Variants in CACNA1A observed in about 807,000 individuals in gnomAD.
The protein encoded by CACNA1A is voltage-dependent P/Q-type calcium channel subunit alpha-1A.
Under a neutral mutation model 262.4 loss-of-function variants are expected in CACNA1A, and 57 were observed. The ratio of observed to expected loss-of-function variants is 0.22; its 90% confidence interval spans 0.18 to 0.27. The LOEUF (loss-of-function observed/expected upper bound fraction) is 0.27. Among genes scored for constraint, CACNA1A ranks in the 10% least tolerant of loss-of-function variants. CACNA1A has a pLI of 1.00. For missense variants in CACNA1A, 2,526 were observed against 3,562.8 expected (o/e 0.71, Z 7.41); for synonymous variants, 1,431 against 1,419.3 (o/e 1.01, Z -0.18).
intron 1 of CACNA1A, among the ~76,000 whole-genome samples, chr19:13,479,791 C>A (rs530468504): frequency 3.3e-5 from 5 of 152,240 alleles, no homozygotes; most frequent in Admixed American, 2.6e-4. Context: ...GAAAGGCTGG[C>A]CTTTAAGAAA....
chr19:13,226,893 C>G (rs1677504871), intron 37 of CACNA1A: 1 of 152,578 alleles, frequency 6.6e-6, no homozygotes, highest in Non-Finnish European at 1.5e-5. Flanking sequence ...AAGAGAGGTT[C>G]TTGGTGCTCC....
intron 38 of CACNA1A, among the ~76,000 whole-genome samples, chr19:13,217,437 G>A (rs1345969428): frequency 6.6e-6 from 1 of 152,182 alleles, no homozygotes; most frequent in African/African-American, 2.4e-5. Context: ...AGCGCGTTAT[G>A]TTCTCCTGAG....
chr19:13,345,375 A>G (rs2058745915), intron 6 of CACNA1A, among the ~76,000 whole-genome samples: 1 of 152,044 alleles, frequency 6.6e-6, no homozygotes, highest in African/African-American at 2.4e-5. Context: ...CCTTCTCCGT[A>G]CTTGCATAGT....
At chr19:13,457,936 A>C (rs1032159664) in intron 1 of CACNA1A, among the ~76,000 whole-genome samples, 2 of 152,182 alleles carry the variant, frequency 1.3e-5, no homozygotes, top group South Asian at 2.1e-4. Flanking sequence ...CAAGCGAAAG[A>C]AGCAGACATA....
intron 3 of CACNA1A, among the ~76,000 whole-genome samples, chr19:13,387,231 C>T (rs1160444269): frequency 1.3e-5 from 2 of 152,218 alleles, no homozygotes; most frequent in Admixed American, 6.5e-5. Context: ...GCTGGGATTA[C>T]AGGCATGAGC....
At chr19:13,232,044 G>A (rs1488164872) in intron 34 of CACNA1A, among the ~76,000 whole-genome samples, 184 bp from the exon 35 acceptor site, 1 of 152,130 alleles carries the variant, frequency 6.6e-6, no homozygotes, top group African/African-American at 2.4e-5. Flanking sequence ...GCTGTGCACT[G>A]AAGTCCACAG....
intron 12 of CACNA1A, among the ~76,000 whole-genome samples, chr19:13,309,921 C>T (rs1418627913): frequency 1.3e-5 from 2 of 152,084 alleles, no homozygotes; most frequent in Non-Finnish European, 2.9e-5. Context: ...TATCAAGTTC[C>T]AAAACATTTT....
At chr19:13,235,510 G>A (rs746665054) in intron 32 of CACNA1A, 104 bp downstream of exon 32, 94 of 852,408 alleles carry the variant, frequency 1.1e-4, no homozygotes, top group Non-Finnish European at 1.7e-4. Flanking sequence ...TTCTCTGCAC[G>A]ACTACATCAC....
At chr19:13,285,320 C>T (rs986931512) in intron 20 of CACNA1A, 114 bp from the exon 21 acceptor site, 1 of 1,086,864 alleles carries the variant, frequency 9.2e-7, no homozygotes, top group Non-Finnish European at 1.3e-6. Flanking sequence ...AAAGTGCCTG[C>T]TGTATATACC....
At chr19:13,433,208 G>A (rs1363964931) in intron 3 of CACNA1A, among the ~76,000 whole-genome samples, 3 of 151,158 alleles carry the variant, frequency 2.0e-5, no homozygotes, top group Non-Finnish European at 4.4e-5. Context: ...CAGGAGAATG[G>A]CATGAACCTG....
intron 3 of CACNA1A, among the ~76,000 whole-genome samples, chr19:13,406,766 A>G (rs1227413980): frequency 6.6e-6 from 1 of 151,584 alleles, no homozygotes; most frequent in Non-Finnish European, 1.5e-5. Context: ...AGCCAGAGTC[A>G]TCCTTCTAAA....
chr19:13,463,617 T>G (rs749507461), intron 1 of CACNA1A, among the ~76,000 whole-genome samples: 5 of 152,206 alleles, frequency 3.3e-5, no homozygotes, highest in Non-Finnish European at 7.3e-5. Flanking sequence ...CTCTGAGACA[T>G]CTGCAAAGAC....
In CACNA1A at chr19:13,284,912, C is replaced by T. The variant is rs10422305; in HGVS notation, c.3692+156G>A. 0.33 allele frequency among the ~76,000 whole-genome samples: 50,635 copies of T among 152,076 alleles called. 9,153 individuals carry two copies. Among genetic ancestry groups the T allele is most frequent in the East Asian group, 0.71 (3,672 of 5,166 alleles). On this transcript the variant is annotated intron_variant, in intron 21 of 46. Coordinates refer to ENST00000360228, the MANE Select transcript of CACNA1A (RefSeq NM_001127222.2). ...AGTATATTGTGACAAATCATCTTAC[C>T]TGACTTACGGAAGGAGCATCCATTT...
Position 13,332,893 on chromosome 19 carries a change from C to G in CACNA1A, c.1231G>C (p.Gly411Arg). ...CCATCAAAGGGATGCCTCTGCTCCC[C>G]GTCAGTTTCATCCTCGGCGAGGATC... ...EVILAEDETDGEQRHPFDALR... is the reference protein window; with the variant it reads ...EVILAEDETDREQRHPFDALR... The change falls in exon 9 of 47, where the codon GGG (glycine) becomes CGG (arginine). Residue 411 changes from glycine to arginine, a missense_variant. Coordinates refer to ENST00000360228, the MANE Select transcript of CACNA1A (RefSeq NM_001127222.2). 2 of 1,612,874 alleles carry G rather than the reference C, an allele frequency of 1.2e-6. No homozygotes were observed. The highest frequency in any genetic ancestry group is 1.1e-5 in the South Asian group (1 of 91,036).
intron 38 of CACNA1A, among the ~76,000 whole-genome samples, chr19:13,224,016 A>C (rs2055338867): frequency 6.6e-6 from 1 of 151,986 alleles, no homozygotes; most frequent in East Asian, 1.9e-4. Flanking sequence ...AAATATAAAA[A>C]ATTAGGTTGG....
At chr19:13,488,592 G>A (rs1980343332) in intron 1 of CACNA1A, among the ~76,000 whole-genome samples, 1 of 151,396 alleles carries the variant, frequency 6.6e-6, no homozygotes, top group Non-Finnish European at 1.5e-5. Context: ...TAGAGATGGA[G>A]TTTCACCATG....
chr19:13,426,243 A>AT (rs1479183918), intron 3 of CACNA1A, among the ~76,000 whole-genome samples: 2 of 152,220 alleles, frequency 1.3e-5, no homozygotes, highest in Non-Finnish European at 2.9e-5. Flanking sequence ...AATTCTTCGC[A>AT]TATTATGGGC....
At chr19:13,495,333 G>T (rs1233530518) in intron 1 of CACNA1A, among the ~76,000 whole-genome samples, 1 of 151,964 alleles carries the variant, frequency 6.6e-6, no homozygotes, top group African/African-American at 2.4e-5. Flanking sequence ...GTCTCGTTCT[G>T]TCGCCCAAGC....
chr19:13,221,653 G>A (rs1865033), intron 38 of CACNA1A, among the ~76,000 whole-genome samples: 38,589 of 151,824 alleles, frequency 0.25, 5,644 homozygotes, highest in East Asian at 0.66. Context: ...TGACCCCTCC[G>A]CCAAAGCTGC....
Sources: gnomAD v4.1 joint callset for allele counts (sites outside exome capture counted in the v4.1 genomes callset) on GRCh38, gnomAD v4.1.1 for gene constraint, MANE v1.5 for transcripts, NCBI Gene and HGNC (gene_info 2026-07-23, HGNC 2026-07-21) for gene names.